The following TENM4 variants were observed in gnomAD, a reference collection of about 807,000 sequenced individuals.
TENM4 encodes teneurin transmembrane protein 4.
A neutral mutation model predicts 243.3 loss-of-function variants in TENM4; 82 were observed. The ratio of observed to expected loss-of-function variants is 0.34; its 90% CI spans 0.28 to 0.40. The LOEUF is 0.40. Ranked by LOEUF, TENM4 falls within the 10% of genes least tolerant of loss-of-function variation. The pLI, the probability that TENM4 is intolerant of heterozygous loss-of-function variation, is 1.00. For missense variants in TENM4, 3,138 were observed against 3,673.3 expected, an observed-to-expected ratio of 0.85 and a Z score of 3.77; for synonymous variants, 1,412 against 1,456.3, an observed-to-expected ratio of 0.97 and a Z score of 0.69.
At chr11:79,218,038 C>T (rs1864086459) in intron 2 of TENM4, among the ~76,000 whole-genome samples, 1 of 151,880 alleles carries the variant, frequency 6.6e-6, no homozygotes, top group South Asian at 2.1e-4. Flanking sequence ...TTAATGGGCA[C>T]AAGTAAAGTT....
intron 1 of TENM4, among the ~76,000 whole-genome samples, chr11:79,348,948 T>C (rs898010285): frequency 3.9e-5 from 6 of 152,188 alleles, no homozygotes; most frequent in Non-Finnish European, 5.9e-5. Flanking sequence ...TGATCGTTTT[T>C]ATCGAAGTGC....
intron 19 of TENM4, among the ~76,000 whole-genome samples, chr11:78,749,796 G>A (rs1856140692): frequency 6.6e-6 from 1 of 152,188 alleles, no homozygotes; most frequent in South Asian, 2.1e-4. Flanking sequence ...CCTGTTTAGA[G>A]CCAGTTTTAG....
At chr11:79,033,801 T>A (rs1859308029) in intron 6 of TENM4, among the ~76,000 whole-genome samples, 1 of 152,224 alleles carries the variant, frequency 6.6e-6, no homozygotes. Flanking sequence ...ATTTGATTTG[T>A]GAACTTAAAA....
chr11:78,944,763 A>G (rs1429746605), intron 6 of TENM4, among the ~76,000 whole-genome samples: 1 of 152,200 alleles, frequency 6.6e-6, no homozygotes, highest in East Asian at 1.9e-4. Flanking sequence ...AGCTTTTCAC[A>G]AAGCACACTG....
chr11:79,082,523 G>C (rs1018529725), intron 4 of TENM4, among the ~76,000 whole-genome samples: 35 of 151,852 alleles, frequency 2.3e-4, no homozygotes, highest in African/African-American at 8.0e-4. Flanking sequence ...GGTGTGGGGT[G>C]TCACATTTAA....
intron 6 of TENM4, among the ~76,000 whole-genome samples, chr11:79,007,239 G>C (rs1858508757): frequency 6.6e-6 from 1 of 152,134 alleles, no homozygotes; most frequent in Non-Finnish European, 1.5e-5. Flanking sequence ...GGTTTTACTT[G>C]ACTGGAGTAT....
At chr11:79,434,571 C>A (rs982975927) in intron 1 of TENM4, among the ~76,000 whole-genome samples, 1 of 152,118 alleles carries the variant, frequency 6.6e-6, no homozygotes, top group Non-Finnish European at 1.5e-5. Flanking sequence ...ATTCCAAGAG[C>A]CAGGGAAGAA....
intron 12 of TENM4, among the ~76,000 whole-genome samples, chr11:78,844,639 TAA>T (rs574368443): frequency 4.4e-5 from 6 of 137,682 alleles, no homozygotes; most frequent in Admixed American, 7.2e-5. Flanking sequence ...AGACTCTGTC[TAA>T]AAAAAAAAAA....
At chr11:79,315,574 G>A (rs547791008) in intron 1 of TENM4, among the ~76,000 whole-genome samples, 3 of 152,292 alleles carry the variant, frequency 2.0e-5, no homozygotes, top group East Asian at 3.9e-4. Context: ...TCAAAGTGTG[G>A]TCTGTAGACA....
intron 1 of TENM4, among the ~76,000 whole-genome samples, chr11:79,319,023 A>G (rs1270160088): frequency 1.3e-5 from 2 of 152,222 alleles, no homozygotes; most frequent in Non-Finnish European, 2.9e-5. Flanking sequence ...ACCATGTGCC[A>G]GTGAGAGTGC....
chr11:78,938,184 T>C (rs893127589), intron 6 of TENM4, among the ~76,000 whole-genome samples: 7 of 152,256 alleles, frequency 4.6e-5, no homozygotes, highest in Admixed American at 2.0e-4. Context: ...TTCTTCCTGC[T>C]GCAGCTTTAA....
intron 3 of TENM4, among the ~76,000 whole-genome samples, chr11:79,197,406 C>G (rs1863653242): frequency 6.6e-6 from 1 of 151,004 alleles, no homozygotes; most frequent in African/African-American, 2.4e-5. Context: ...GAACCAAAAG[C>G]TGCTCAGGAC....
At chr11:79,332,527 A>T (rs1857078021) in intron 1 of TENM4, among the ~76,000 whole-genome samples, 1 of 152,066 alleles carries the variant, frequency 6.6e-6, no homozygotes, top group South Asian at 2.1e-4. Flanking sequence ...GCCCACCGAA[A>T]TCCATCTGGG....
intron 6 of TENM4, among the ~76,000 whole-genome samples, chr11:78,904,927 G>A (rs1348722354): frequency 6.6e-6 from 1 of 152,206 alleles, no homozygotes; most frequent in East Asian, 1.9e-4. Context: ...GTCTTTCAAA[G>A]CAGATGATAT....
intron 25 of TENM4, 127 bp downstream of exon 25, chr11:78,720,243 C>T: frequency 9.1e-7 from 1 of 1,102,982 alleles, no homozygotes; most frequent in Non-Finnish European, 1.4e-6. Flanking sequence ...CAACTGATTA[C>T]CCCAATCAGT....
intron 16 of TENM4, among the ~76,000 whole-genome samples, chr11:78,779,175 T>A (rs1213708418): frequency 1.3e-5 from 2 of 152,254 alleles, no homozygotes; most frequent in Non-Finnish European, 2.9e-5. Context: ...TGGTCAAATA[T>A]ACTGCTGGAT....
rs181806344 is a variant in TENM4, at chr11:78,718,985, C to T, written c.3821+1385G>A. ...AATTCCTTTTTGGGGAAGATGGAGA[C>T]ATCATAATTATCATATAATAATAAT... On this transcript the variant is annotated intron_variant, in intron 25 of 33. Transcript: ENST00000278550. Among the ~76,000 whole-genome samples, 33 of 152,148 alleles carry T rather than the reference C, an allele frequency of 2.2e-4. No individual in the cohort carries two copies. In the East Asian group the frequency reaches 6.0e-3, roughly 28 times the overall value.
intron 1 of TENM4, among the ~76,000 whole-genome samples, chr11:79,403,779 A>G (rs1858510416): frequency 1.3e-5 from 2 of 152,130 alleles, no homozygotes; most frequent in African/African-American, 4.8e-5. Context: ...CATGCATAGA[A>G]GCAAAGCTAT....
At chr11:79,154,536 C>G (rs777895071) in intron 3 of TENM4, among the ~76,000 whole-genome samples, 1 of 152,080 alleles carries the variant, frequency 6.6e-6, no homozygotes, top group Non-Finnish European at 1.5e-5. Flanking sequence ...TCTACTTTGT[C>G]CCCTGACCCC....
Sources: allele counts gnomAD v4.1 joint callset (sites outside exome capture counted in the v4.1 genomes callset), GRCh38; gene constraint gnomAD v4.1.1; transcripts MANE v1.5; gene names NCBI Gene and HGNC (gene_info 2026-07-23, HGNC 2026-07-21).